IGFL2: variants seen among roughly 807,000 people sequenced by gnomAD.
IGFL2 encodes insulin growth factor-like family member 2.
In IGFL2, 7 loss-of-function variants were observed where a neutral mutation model predicts 13.9. That is an observed-to-expected ratio of 0.51 (90% CI 0.29 to 0.95). The LOEUF is 0.95. Among genes scored for constraint, IGFL2 ranks in the 40% least tolerant of loss-of-function variants. The pLI is 0.08. For missense variants in IGFL2, 138 were observed against 147.8 expected, an observed-to-expected ratio of 0.93 and a Z score of 0.34; for synonymous variants, 55 against 55.8, an observed-to-expected ratio of 0.99 and a Z score of 0.07.
chr19:46,135,176 T>A, the IGFL2 span, among the ~76,000 whole-genome samples: 8 of 152,190 alleles, frequency 5.3e-5, no homozygotes, highest in Admixed American at 5.2e-4. Flanking sequence ...CTTAATACAA[T>A]TATTGAAAGC....
At chr19:46,091,766 A>G in the IGFL2 span, among the ~76,000 whole-genome samples, 4 of 152,232 alleles carry the variant, frequency 2.6e-5, no homozygotes, top group African/African-American at 9.6e-5. Context: ...TGAAAGAATT[A>G]TTTAGCTAAA....
At chr19:46,135,144 T>TA in the IGFL2 span, among the ~76,000 whole-genome samples, 1 of 152,230 alleles carries the variant, frequency 6.6e-6, no homozygotes, top group African/African-American at 2.4e-5. Flanking sequence ...CAGATTCTCA[T>TA]AATGTTAACA....
At chr19:46,170,082 T>C in the IGFL2 span, among the ~76,000 whole-genome samples, 1 of 152,022 alleles carries the variant, frequency 6.6e-6, no homozygotes, top group Non-Finnish European at 1.5e-5. Flanking sequence ...AAGGGCTCCA[T>C]GGCACCATAT....
At chr19:46,120,453 C>T in the IGFL2 span, 10 of 1,547,826 alleles carry the variant, frequency 6.5e-6, 1 homozygote, top group Non-Finnish European at 8.8e-6. Flanking sequence ...TTGACTTTAA[C>T]AGACTTGACT....
At chr19:46,131,283 C>T in the IGFL2 span, among the ~76,000 whole-genome samples, 1 of 152,206 alleles carries the variant, frequency 6.6e-6, no homozygotes, top group East Asian at 1.9e-4. Flanking sequence ...TAGGTAGTGT[C>T]TGGTTCATTT....
the IGFL2 span, among the ~76,000 whole-genome samples, chr19:46,118,827 T>A: frequency 6.6e-6 from 1 of 152,162 alleles, no homozygotes; most frequent in Non-Finnish European, 1.5e-5. Context: ...GCTGCTTGCC[T>A]GCGAGGGACC....
chr19:46,131,904 A>C, the IGFL2 span, among the ~76,000 whole-genome samples: 11 of 152,286 alleles, frequency 7.2e-5, no homozygotes, highest in Non-Finnish European at 1.6e-4. Context: ...ATGCTACTGC[A>C]CTCCAGCCTG....
At chr19:46,114,124 C>T in the IGFL2 span, among the ~76,000 whole-genome samples, 76 of 152,300 alleles carry the variant, frequency 5.0e-4, 2 homozygotes, top group Middle Eastern at 0.014. Context: ...CAGTAACAGT[C>T]AGCTCCAAAT....
chr19:46,104,908 T>G, the IGFL2 span, among the ~76,000 whole-genome samples: 1 of 152,088 alleles, frequency 6.6e-6, no homozygotes, highest in Non-Finnish European at 1.5e-5. Flanking sequence ...CCAAGAACCA[T>G]TTGCCTTGTG....
chr19:46,079,463 C>T, the IGFL2 span, among the ~76,000 whole-genome samples: 1 of 152,182 alleles, frequency 6.6e-6, no homozygotes, highest in Admixed American at 6.5e-5. Flanking sequence ...AGTGCATCCT[C>T]CTCGCGGATT....
chr19:46,155,047 C>T (rs184019950), intron 1 of IGFL2, among the ~76,000 whole-genome samples: 292 of 152,208 alleles, frequency 1.9e-3, no homozygotes, highest in African/African-American at 6.8e-3. Flanking sequence ...GGTAGCTGCT[C>T]CTCTTCTCGG....
At chr19:46,141,369 G>T (rs944712701), upstream of IGFL2, among the ~76,000 whole-genome samples, 3 of 152,094 alleles carry the variant, frequency 2.0e-5, no homozygotes, top group Non-Finnish European at 4.4e-5. Context: ...TGATAGTCCC[G>T]GGTGTCTGGG....
chr19:46,129,298 G>C, the IGFL2 span, among the ~76,000 whole-genome samples: 1 of 138,178 alleles, frequency 7.2e-6, no homozygotes, highest in Non-Finnish European at 1.5e-5. Context: ...TCTTGGATTT[G>C]TTGATCTTTT....
chr19:46,205,551 G>A, the IGFL2 span, among the ~76,000 whole-genome samples: 20 of 152,140 alleles, frequency 1.3e-4, no homozygotes, highest in East Asian at 3.1e-3. Context: ...CTTCAAACCC[G>A]TCTATAAAAT....
intron 1 of IGFL2, among the ~76,000 whole-genome samples, chr19:46,154,172 C>CT (rs1973677817): frequency 6.6e-6 from 1 of 152,122 alleles, no homozygotes. Context: ...GGAACTCATT[C>CT]TTTTTTTACT....
At chr19:46,103,671 G>A in the IGFL2 span, among the ~76,000 whole-genome samples, 2 of 152,224 alleles carry the variant, frequency 1.3e-5, no homozygotes, top group Admixed American at 6.5e-5. Flanking sequence ...TGACTAGACA[G>A]AAGATAGTAG....
At chr19:46,176,881 C>T in the IGFL2 span, among the ~76,000 whole-genome samples, 2 of 152,180 alleles carry the variant, frequency 1.3e-5, no homozygotes, top group African/African-American at 4.8e-5. Flanking sequence ...CTGGGCTGCA[C>T]CCCACATTCA....
At chr19:46,127,929 T>A in the IGFL2 span, among the ~76,000 whole-genome samples, 1 of 152,210 alleles carries the variant, frequency 6.6e-6, no homozygotes, top group Non-Finnish European at 1.5e-5. Context: ...TGGCCATTTT[T>A]AACAATATTG....
upstream of IGFL2, among the ~76,000 whole-genome samples, chr19:46,142,284 G>T (rs563271753): frequency 7.9e-4 from 121 of 152,284 alleles, 1 homozygote; most frequent in Middle Eastern, 0.017. Context: ...GTAGAAACTT[G>T]CATTCTATTA....
Sources: gnomAD v4.1 joint callset for allele counts (sites outside exome capture counted in the v4.1 genomes callset) on GRCh38, gnomAD v4.1.1 for gene constraint, MANE v1.5 for transcripts, NCBI Gene and HGNC (gene_info 2026-07-23, HGNC 2026-07-21) for gene names.